SRPK2: variants seen among roughly 807,000 people sequenced by gnomAD.
SRPK2 encodes SFRS protein kinase 2.
Under a neutral mutation model 90.8 loss-of-function variants are expected in SRPK2, and 21 were observed. The observed-to-expected ratio is 0.23, with a 90% confidence interval of 0.16 to 0.33. The LOEUF is 0.33. SRPK2 is among the 10% of genes least tolerant of loss of function. The pLI is 1.00. For synonymous variants in SRPK2, 288 were observed against 311.1 expected, an observed-to-expected ratio of 0.93 and a Z score of 0.78; for missense variants, 620 against 869.0, an observed-to-expected ratio of 0.71 and a Z score of 3.60.
At chr7:105,360,928 G>A (rs949017297) in intron 2 of SRPK2, among the ~76,000 whole-genome samples, 6 of 152,146 alleles carry the variant, frequency 3.9e-5, no homozygotes, top group African/African-American at 1.4e-4. Flanking sequence ...AGACAAGGAT[G>A]TCCTCTCTCA....
rs188581254 is a variant in SRPK2, at chr7:105,177,133, A to G, written c.230-7868T>C. On this transcript the variant is annotated intron_variant, in intron 3 of 15. Coordinates refer to ENST00000393651, the MANE Select transcript of SRPK2 (RefSeq NM_182692.3). ...TTGTCAGGAAAGTGATTAAATCAGG[A>G]AAAAAAAACACATAAAAAAGAGCTG... 3.1e-3 allele frequency among the ~76,000 whole-genome samples: 468 copies of G among 150,202 alleles called. 14 individuals carry two copies. The East Asian group carries it at 0.063, about 20-fold the overall frequency.
intron 7 of SRPK2, among the ~76,000 whole-genome samples, chr7:105,158,255 C>CT (rs536737479): frequency 9.1e-4 from 132 of 144,674 alleles, no homozygotes; most frequent in East Asian, 4.2e-3. Flanking sequence ...GTGAATTCAC[C>CT]TTTTTTTTTT....
chr7:105,246,551 G>A (rs949279263), intron 2 of SRPK2, among the ~76,000 whole-genome samples: 1 of 152,126 alleles, frequency 6.6e-6, no homozygotes, highest in East Asian at 1.9e-4. Context: ...AAACAGATGC[G>A]ATCATTTTCA....
chr7:105,142,189 A>G lies in SRPK2; in HGVS notation c.1362T>C (p.His454=), dbSNP rs756195288. 6.2e-7 allele frequency: 1 copy of G among 1,614,080 alleles called. No homozygotes were observed. The highest frequency in any genetic ancestry group is 1.1e-5 in the South Asian group (1 of 91,076). ...CTGGGAACTGTGACTCGGGAATTTTATGTCGTCCATTTGGCAATTCACCAT... is the reference window on the plus strand; with the variant it reads ...CTGGGAACTGTGACTCGGGAATTTTGTGTCGTCCATTTGGCAATTCACCAT... ...QFNGELPNGR[H]KIPESQFPEF... Residue 454 remains histidine, a synonymous_variant, in exon 11 of 16, where the codon CAT becomes CAC. Transcript: ENST00000393651.
intron 2 of SRPK2, among the ~76,000 whole-genome samples, chr7:105,254,102 T>C (rs1437725206): frequency 6.6e-6 from 1 of 152,256 alleles, no homozygotes; most frequent in African/African-American, 2.4e-5. Flanking sequence ...GTTTCGTAAA[T>C]GCTTGACTGA....
chr7:105,118,274 T>G (rs1483282813), intron 15 of SRPK2, among the ~76,000 whole-genome samples: 1 of 152,214 alleles, frequency 6.6e-6, no homozygotes, highest in Non-Finnish European at 1.5e-5. Flanking sequence ...GTTCTAAGCT[T>G]CTTTAAGTAA....
chr7:105,160,636 T>C (rs1584999677), intron 6 of SRPK2, 23 bp from the exon 7 acceptor site: 1 of 1,455,080 alleles, frequency 6.9e-7, no homozygotes, highest in Non-Finnish European at 9.7e-7. Context: ...TAAGGATCGT[T>C]TGTGGATGCA....
intron 15 of SRPK2, among the ~76,000 whole-genome samples, chr7:105,124,928 T>C (rs1252689965): frequency 6.6e-6 from 1 of 151,700 alleles, no homozygotes; most frequent in Non-Finnish European, 1.5e-5. Flanking sequence ...GGTCAGGAGT[T>C]TGAGACCAGC....
At chr7:105,217,922 A>G (rs1462679234) in intron 2 of SRPK2, among the ~76,000 whole-genome samples, 4 of 152,238 alleles carry the variant, frequency 2.6e-5, no homozygotes, top group Non-Finnish European at 5.9e-5. Flanking sequence ...GGGATACAAT[A>G]GCAAAAACAA....
At chr7:105,235,106 T>TA (rs1259240292) in intron 2 of SRPK2, among the ~76,000 whole-genome samples, 1 of 152,210 alleles carries the variant, frequency 6.6e-6, no homozygotes, top group Non-Finnish European at 1.5e-5. Context: ...AGCCAAAAGA[T>TA]TAGATACCTC....
chr7:105,226,196 T>G (rs552518104), intron 2 of SRPK2, among the ~76,000 whole-genome samples: 16 of 152,294 alleles, frequency 1.1e-4, no homozygotes, highest in African/African-American at 3.9e-4. Context: ...TATGAAACAT[T>G]TAGTGATCAT....
At chr7:105,195,697 T>C (rs1794829611) in intron 3 of SRPK2, among the ~76,000 whole-genome samples, 1 of 152,260 alleles carries the variant, frequency 6.6e-6, no homozygotes, top group Non-Finnish European at 1.5e-5. Context: ...TTTCAGTTTT[T>C]TATAACATCT....
chr7:105,218,020 G>A (rs1420000474), intron 2 of SRPK2, among the ~76,000 whole-genome samples: 1 of 152,200 alleles, frequency 6.6e-6, no homozygotes, highest in Non-Finnish European at 1.5e-5. Context: ...AGAGGCCTAT[G>A]ACGAAGAAAA....
At chr7:105,202,146 C>T (rs1585156559) in intron 3 of SRPK2, among the ~76,000 whole-genome samples, 1 of 152,166 alleles carries the variant, frequency 6.6e-6, no homozygotes, top group South Asian at 2.1e-4. Context: ...TGTGGAAGTA[C>T]GTGCACCTAT....
intron 1 of SRPK2, among the ~76,000 whole-genome samples, chr7:105,397,662 G>C (rs62484718): frequency 6.7e-6 from 1 of 149,942 alleles, no homozygotes; most frequent in South Asian, 2.1e-4. Flanking sequence ...TTTTTTTTGG[G>C]AGACTGAGTC....
intron 15 of SRPK2, among the ~76,000 whole-genome samples, chr7:105,120,488 G>A (rs887166643): frequency 2.0e-5 from 3 of 152,136 alleles, no homozygotes; most frequent in Non-Finnish European, 2.9e-5. Context: ...CTATAAACTG[G>A]TAAAAATATT....
intron 2 of SRPK2, among the ~76,000 whole-genome samples, chr7:105,267,949 A>G (rs1240550884): frequency 6.6e-6 from 1 of 152,174 alleles, no homozygotes; most frequent in Non-Finnish European, 1.5e-5. Flanking sequence ...AACCAAGAGA[A>G]AGGTAAGCAT....
At chr7:105,168,634 A>G (rs1309090730) in intron 4 of SRPK2, among the ~76,000 whole-genome samples, 1 of 152,030 alleles carries the variant, frequency 6.6e-6, no homozygotes, top group African/African-American at 2.4e-5. Flanking sequence ...AATTAAAATA[A>G]GACTAGATAA....
At chr7:105,205,923 C>A (rs1585172464) in intron 2 of SRPK2, 1 of 489,268 alleles carries the variant, frequency 2.0e-6, no homozygotes, top group East Asian at 5.6e-5. Context: ...AGTACATTCT[C>A]TGAAAACACA....
Sources: gnomAD v4.1 joint callset for allele counts (sites outside exome capture counted in the v4.1 genomes callset) on GRCh38, gnomAD v4.1.1 for gene constraint, MANE v1.5 for transcripts, NCBI Gene and HGNC (gene_info 2026-07-23, HGNC 2026-07-21) for gene names.